DNAJC4: variants seen among roughly 807,000 people sequenced by gnomAD.
DNAJC4 encodes DnaJ heat shock protein family (Hsp40) member C4, also known as dnaJ homolog subfamily C member 4.
In DNAJC4, 26 loss-of-function variants were observed where a neutral mutation model predicts 26.8. The observed-to-expected ratio is 0.97, with a 90% confidence interval of 0.71 to 1.34. The LOEUF is 1.34. DNAJC4 is among the 40% of genes most tolerant of loss of function. The probability of loss-of-function intolerance (pLI) is 0.00; values close to 1 mark genes in which losing one functional copy is unlikely to be tolerated. For missense variants in DNAJC4, 342 were observed against 321.1 expected, an observed-to-expected ratio of 1.07 and a Z score of -0.50; for synonymous variants, 134 against 127.8, an observed-to-expected ratio of 1.05 and a Z score of -0.33.
At chr11:64,233,412 T>C (rs1947203443) in intron 4 of DNAJC4, 1 of 160,842 alleles carries the variant, frequency 6.2e-6, no homozygotes, top group Non-Finnish European at 1.4e-5. Context: ...CTAGTTGTTT[T>C]GTATTTTTAG....
rs1387942038 is a variant in DNAJC4, at chr11:64,233,882, G to T, written c.528-12G>T. On this transcript the variant is annotated splice_polypyrimidine_tract_variant and intron_variant, in intron 4 of 5. Coordinates refer to ENST00000628077, the MANE Select transcript of DNAJC4 (RefSeq NM_005528.4). ...GAATTGGATTCCCAGGGTTAATTGT[G>T]ACCCATTGCAGGAAGGTGAAGCAGA... The T allele has an allele frequency of 1.1e-5, 17 of 1,611,748 alleles. No homozygotes were observed. Among genetic ancestry groups the T allele is most frequent in the Non-Finnish European group, 1.4e-5 (17 of 1,178,262 alleles).
intron 4 of DNAJC4, chr11:64,233,637 G>A (rs1368342326): frequency 3.6e-6 from 2 of 560,308 alleles, no homozygotes; most frequent in Admixed American, 3.1e-5. Context: ...ACCCTTTCTA[G>A]TCTTCTGGGA....
intron 4 of DNAJC4, 120 bp from the exon 5 acceptor site, chr11:64,233,774 G>A (rs1947208206): frequency 7.4e-7 from 1 of 1,344,346 alleles, no homozygotes; most frequent in Non-Finnish European, 1.0e-6. Context: ...GGGTTAGACT[G>A]AGGTTCCTAA....
rs1185813079 is a variant in DNAJC4 at position 64,231,035 on chromosome 11, G to A, written c.86+95G>A. The A allele has an allele frequency of 2.7e-6, 4 of 1,475,606 alleles. No homozygotes were observed. In the South Asian group the frequency reaches 4.9e-5, roughly 18 times the overall value. The allele number at this position is 1,475,606 out of a possible 1,614,324, so 91.4% of individuals were successfully genotyped here. The stretch of plus-strand genomic sequence containing the variant: ...TGTGGTCTCTACTCCGTGTCAGGAG[G>A]CTCCCAGGTTTGTCTCAGGTAACCC... On this transcript the variant is annotated intron_variant, in intron 1 of 5. Coordinates refer to ENST00000628077, the MANE Select transcript of DNAJC4 (RefSeq NM_005528.4).
chr11:64,231,150 C>G (rs1947170630), intron 1 of DNAJC4: 1 of 706,040 alleles, frequency 1.4e-6, no homozygotes, highest in Non-Finnish European at 2.5e-6. Context: ...GAGTCCAGGT[C>G]AAACCCAACG....
chr11:64,233,748 C>T, intron 4 of DNAJC4, 146 bp from the exon 5 acceptor site: 1 of 1,114,482 alleles, frequency 9.0e-7, no homozygotes, highest in Non-Finnish European at 1.3e-6. Context: ...TGAGCCCTCC[C>T]TATCTATCAC....
rs751418913 is a variant in DNAJC4, at chr11:64,232,442, C to T, written c.193C>T (p.Arg65Trp). The change falls in exon 3 of 6, where the codon CGG becomes TGG. Residue 65 changes from arginine to tryptophan, a missense_variant. By Grantham distance (101) the Arg-to-Trp change is moderately radical. Coordinates refer to ENST00000628077, the MANE Select transcript of DNAJC4 (RefSeq NM_005528.4). ...FSKSKELHPD[R>W]DPGNPSLHSR... ...TGCCCCACCCCAGCTGCACCCAGAC[C>T]GGGACCCTGGGAACCCAAGCCTGCA... 27 of 1,590,058 alleles carry T rather than the reference C, an allele frequency of 1.7e-5. No individual in the cohort carries two copies. Among genetic ancestry groups the T allele is most frequent in the South Asian group, 5.6e-5 (5 of 89,402 alleles).
chr11:64,231,015 TCTCTA>T (rs1947168645), intron 1 of DNAJC4, 75 bp downstream of exon 1: 2 of 1,513,094 alleles, frequency 1.3e-6, no homozygotes, highest in African/African-American at 1.4e-5. Flanking sequence ...TTAGTTGTGG[TCTCTA>T]CTCCGTGTCA....
Position 64,232,767 on chromosome 11 carries a change from C to T in DNAJC4, c.429C>T (p.Pro143=). The change falls in exon 4 of 6, where the codon CCC becomes CCT. Residue 143 remains proline (P), a synonymous_variant. Coordinates refer to ENST00000628077, the MANE Select transcript of DNAJC4 (RefSeq NM_005528.4). ...TTCACAGCGTGAGGCCACAGGGGCC[C>T]CAGTTGAGGCAGCAGCAACACAAAC... The part of the protein sequence containing the change: ...SQFHSVRPQG[P]QLRQQQHKQN... 6.2e-7 allele frequency: 1 copy of T among 1,613,308 alleles called. No individual in the cohort carries two copies. Among genetic ancestry groups the T allele is most frequent in the East Asian group, 2.2e-5 (1 of 44,878 alleles).
In DNAJC4 at chr11:64,233,531, G is replaced by T. The variant is rs979680457; in HGVS notation, c.528-363G>T. On this transcript the variant is annotated intron_variant, in intron 4 of 5. Coordinates refer to ENST00000628077, the MANE Select transcript of DNAJC4 (RefSeq NM_005528.4). The stretch of plus-strand genomic sequence containing the variant: ...ACTGGGATTACAGGTGAGAGCTACC[G>T]CGCCTGGCCACAAAGCCGATTTTCT... 9 of 242,566 alleles carry T rather than the reference G, an allele frequency of 3.7e-5. No individual in the cohort carries two copies. In the East Asian group the frequency reaches 5.2e-4, roughly 14 times the overall value. 15.0% of individuals were successfully genotyped at this position (242,566 alleles called of 1,614,324 possible).
intron 4 of DNAJC4, chr11:64,233,488 G>A (rs1316130152): frequency 3.2e-5 from 6 of 186,270 alleles, no homozygotes; most frequent in South Asian, 1.1e-4. Context: ...TGATCCACCC[G>A]CCTCAGCCTC....
In DNAJC4 at chr11:64,230,796, C is replaced by T. The variant is rs745813252; in HGVS notation, c.-59C>T. 1 of 1,558,988 alleles carries T rather than the reference C, an allele frequency of 6.4e-7. No individual in the cohort carries two copies. Among genetic ancestry groups the T allele is most frequent in the Admixed American group, 1.8e-5 (1 of 54,092 alleles). ...CTGCCCCCGGGTGCTTGAAGTCTAGCCCCATCCTGGTCCAATGCGCTCTTG... is the reference window on the plus strand; with the variant it reads ...CTGCCCCCGGGTGCTTGAAGTCTAGTCCCATCCTGGTCCAATGCGCTCTTG... On this transcript the variant is annotated 5_prime_UTR_variant, in exon 1 of 6. Transcript: ENST00000628077.
In DNAJC4 at chr11:64,233,947, C is replaced by T; in HGVS notation, c.581C>T (p.Thr194Ile). 1 of 1,614,132 alleles carries T rather than the reference C, an allele frequency of 6.2e-7. No homozygotes were observed. Among genetic ancestry groups the T allele is most frequent in the East Asian group, 2.2e-5 (1 of 44,890 alleles). The change falls in exon 5 of 6, where the codon ACA becomes ATA. Residue 194 changes from threonine to isoleucine, a missense_variant. By Grantham distance (89) the Thr-to-Ile change is moderately conservative. Coordinates refer to ENST00000628077, the MANE Select transcript of DNAJC4 (RefSeq NM_005528.4). ...NFMDEKDRII[T>I]AFYNEARARA... ...ATGGATGAAAAGGATCGGATCATCA[C>T]AGCCTTCTACAACGAAGCCCGGGCA...
chr11:64,231,419 A>G (rs1377262456), intron 1 of DNAJC4: 3 of 188,660 alleles, frequency 1.6e-5, no homozygotes, highest in Middle Eastern at 2.4e-3. Flanking sequence ...TCGGCTCACC[A>G]CAACCTCCGC....
chr11:64,232,960 G>T, intron 4 of DNAJC4, 95 bp downstream of exon 4: 2 of 1,367,300 alleles, frequency 1.5e-6, no homozygotes, highest in Non-Finnish European at 1.9e-6. Flanking sequence ...CTCGTGGCCC[G>T]TACTCTTGTG....
Position 64,232,511 on chromosome 11 carries a change from C to A in DNAJC4, c.262C>A (p.Arg88Ser). The A allele has an allele frequency of 1.2e-6, 2 of 1,613,208 alleles. No homozygotes were observed. Among genetic ancestry groups the A allele is most frequent in the South Asian group, 1.1e-5 (1 of 91,018 alleles). The change falls in exon 3 of 6, where the codon CGT (arginine) becomes AGT (serine). Residue 88 changes from arginine to serine, a missense_variant. Arg to Ser is a moderately radical substitution (Grantham distance 110). Coordinates refer to ENST00000628077, the MANE Select transcript of DNAJC4 (RefSeq NM_005528.4). ...GAGCGAGGCATACCGTGTGCTCAGC[C>A]GTGAGCAGAGCCGCCGCAGCTATGA... ...ELSEAYRVLS[R>S]EQSRRSYDDQ...
intron 4 of DNAJC4, 70 bp downstream of exon 4, chr11:64,232,935 A>G (rs999277681): frequency 4.1e-6 from 6 of 1,480,944 alleles, no homozygotes; most frequent in African/African-American, 1.4e-5. Flanking sequence ...GTGGTCAGCC[A>G]GTCCTCCACA....
chr11:64,234,260 G>C lies in DNAJC4; in HGVS notation c.*76G>C. 4 of 1,488,864 alleles carry C rather than the reference G, an allele frequency of 2.7e-6. No individual in the cohort carries two copies. Among genetic ancestry groups the C allele is most frequent in the Non-Finnish European group, 3.6e-6 (4 of 1,116,440 alleles). The allele number at this position is 1,488,864 out of a possible 1,614,324, so 92.2% of individuals were successfully genotyped here. Reference sequence around the variant, plus strand: ...CTGGACGGCCCGCTCCCCGAAACGCGCGCAATAAAGTGATTCGCAGAGCTC... The same window carrying C: ...CTGGACGGCCCGCTCCCCGAAACGCCCGCAATAAAGTGATTCGCAGAGCTC... On this transcript the variant is annotated 3_prime_UTR_variant, in exon 6 of 6. Transcript: ENST00000628077. This position sits in a 1 kb window ranked among gnomAD's most constrained non-coding sequence, Gnocchi z 5.3.
chr11:64,233,703 G>A (rs1314208848), intron 4 of DNAJC4, 191 bp from the exon 5 acceptor site: 1 of 684,954 alleles, frequency 1.5e-6, no homozygotes, highest in African/African-American at 1.8e-5. Context: ...AGGGACTTCG[G>A]ATGCCATTGG....
Sources: gnomAD v4.1 joint callset for allele counts on GRCh38, gnomAD v4.1.1 for gene constraint, Gnocchi (gnomAD v3.1) non-coding constraint, MANE v1.5 for transcripts, NCBI Gene and HGNC (gene_info 2026-07-23, HGNC 2026-07-21) for gene names.